TMEM132C: variants seen among roughly 807,000 people sequenced by gnomAD.
The protein encoded by TMEM132C is transmembrane protein 132C.
In TMEM132C, 29 loss-of-function variants were observed where a neutral mutation model predicts 61.4. The ratio of observed to expected loss-of-function variants is 0.47; its 90% CI spans 0.35 to 0.64. TMEM132C has a LOEUF of 0.64. Among genes scored for constraint, TMEM132C ranks in the 30% least tolerant of loss-of-function variants. TMEM132C has a pLI of 0.00. For synonymous variants in TMEM132C, 656 were observed against 633.1 expected, an observed-to-expected ratio of 1.04 and a Z score of -0.54; for missense variants, 1,408 against 1,476.9, an observed-to-expected ratio of 0.95 and a Z score of 0.76.
chr12:128,467,470 T>C (rs1870774639), intron 2 of TMEM132C, among the ~76,000 whole-genome samples: 1 of 152,248 alleles, frequency 6.6e-6, no homozygotes, highest in Admixed American at 6.5e-5. Flanking sequence ...ATGAGATGAC[T>C]AATCATAAGC....
chr12:128,575,098 A>G (rs1222998774), intron 3 of TMEM132C, among the ~76,000 whole-genome samples: 9 of 152,242 alleles, frequency 5.9e-5, no homozygotes. Context: ...CTTTCTCGGC[A>G]GTAGGATTAT....
At chr12:128,486,919 ACAG>A (rs1444570921) in intron 2 of TMEM132C, among the ~76,000 whole-genome samples, 1 of 116,046 alleles carries the variant, frequency 8.6e-6, no homozygotes, top group African/African-American at 3.3e-5. Context: ...ACACACACAC[ACAG>A]CTCAGCACTT....
intron 2 of TMEM132C, among the ~76,000 whole-genome samples, chr12:128,477,620 C>T (rs1871192484): frequency 6.6e-6 from 1 of 152,110 alleles, no homozygotes; most frequent in African/African-American, 2.4e-5. Flanking sequence ...CACTCTGTTG[C>T]CCAAGCTGGA....
chr12:128,552,077 C>T (rs1023544564), intron 3 of TMEM132C, among the ~76,000 whole-genome samples: 1 of 152,246 alleles, frequency 6.6e-6, no homozygotes, highest in Non-Finnish European at 1.5e-5. Context: ...ATGAGGCGGG[C>T]TCCCCAGCGG....
Position 128,270,184 on chromosome 12 carries a change from G to C in TMEM132C, c.85+2697G>C, listed in dbSNP as rs576099195. The stretch of plus-strand genomic sequence containing the variant: ...TTAGTGATGGTTGTTAGTCACATAT[G>C]AGACCTTCTGGGAAGGTTATGTGGG... On this transcript the variant is annotated intron_variant, in intron 1 of 8. Coordinates refer to ENST00000435159, the MANE Select transcript of TMEM132C (RefSeq NM_001136103.3). Among the ~76,000 whole-genome samples, 5 of 152,370 alleles carry C rather than the reference G, an allele frequency of 3.3e-5. No individual in the cohort carries two copies. The South Asian group carries it at 1.0e-3, about 32-fold the overall frequency.
At chr12:128,503,071 G>T (rs900688986) in intron 2 of TMEM132C, among the ~76,000 whole-genome samples, 1 of 152,178 alleles carries the variant, frequency 6.6e-6, no homozygotes, top group Non-Finnish European at 1.5e-5. Context: ...GGTTCTCAGA[G>T]CGATGGCATC....
At chr12:128,391,446 C>T (rs1288272471) in intron 1 of TMEM132C, among the ~76,000 whole-genome samples, 1 of 152,314 alleles carries the variant, frequency 6.6e-6, no homozygotes, top group East Asian at 1.9e-4. Context: ...GGAAAGGTAC[C>T]TTCAATATCC....
chr12:128,343,672 G>C (rs555931469), intron 1 of TMEM132C, among the ~76,000 whole-genome samples: 1 of 151,936 alleles, frequency 6.6e-6, no homozygotes, highest in African/African-American at 2.4e-5. Flanking sequence ...AATATATTAA[G>C]AGTTGTACAA....
At chr12:128,621,308 T>C (rs750097699) in intron 4 of TMEM132C, among the ~76,000 whole-genome samples, 4 of 152,160 alleles carry the variant, frequency 2.6e-5, no homozygotes, top group Admixed American at 6.5e-5. Flanking sequence ...AAGGTCTTTG[T>C]GGATGTACTG....
At chr12:128,581,761 A>T (rs545994623) in intron 3 of TMEM132C, among the ~76,000 whole-genome samples, 5 of 152,254 alleles carry the variant, frequency 3.3e-5, no homozygotes. Flanking sequence ...ATAAAGGAAC[A>T]AAGTTATGAG....
chr12:128,415,062 A>G lies in TMEM132C; in HGVS notation c.416A>G (p.Lys139Arg). The change falls in exon 2 of 9, where the codon AAA becomes AGA. Residue 139 changes from lysine to arginine, a missense_variant. Coordinates refer to ENST00000435159, the MANE Select transcript of TMEM132C (RefSeq NM_001136103.3). This position sits in a 1 kb window ranked among gnomAD's most constrained non-coding sequence, Gnocchi z 5.8. ...CTAAAAGCCCACATCCTGCGGGACA[A>G]AGTCTACCTGAGCCGGCCCAAAGTG... ...WKLKAHILRDKVYLSRPKVQV... is the reference protein window; with the variant it reads ...WKLKAHILRDRVYLSRPKVQV... 1 of 1,596,244 alleles carries G rather than the reference A, an allele frequency of 6.3e-7. No homozygotes were observed. Among genetic ancestry groups the G allele is most frequent in the South Asian group, 1.1e-5 (1 of 87,992 alleles).
At chr12:128,484,978 A>G (rs1871438043) in intron 2 of TMEM132C, among the ~76,000 whole-genome samples, 1 of 152,024 alleles carries the variant, frequency 6.6e-6, no homozygotes, top group African/African-American at 2.4e-5. Context: ...CAGGGAGGGA[A>G]GGAGGGAAGG....
At chr12:128,274,200 T>G (rs1358721024) in intron 1 of TMEM132C, among the ~76,000 whole-genome samples, 1 of 152,194 alleles carries the variant, frequency 6.6e-6, no homozygotes, top group Non-Finnish European at 1.5e-5. Context: ...GTGTACGCAT[T>G]TTTTCTTCCT....
intron 3 of TMEM132C, among the ~76,000 whole-genome samples, chr12:128,596,766 T>G (rs1345200663): frequency 6.6e-6 from 1 of 152,212 alleles, no homozygotes; most frequent in Non-Finnish European, 1.5e-5. Flanking sequence ...GAACCTGCCT[T>G]CCCGTCACCA....
intron 1 of TMEM132C, among the ~76,000 whole-genome samples, chr12:128,333,427 TGTGA>T (rs1222959211): frequency 2.6e-5 from 4 of 152,152 alleles, no homozygotes; most frequent in East Asian, 1.9e-4. Flanking sequence ...TGAGAGTGTG[TGTGA>T]GTGTTTTGTT....
chr12:128,395,091 AC>A (rs1400731227), intron 1 of TMEM132C, among the ~76,000 whole-genome samples: 4 of 151,716 alleles, frequency 2.6e-5, no homozygotes, highest in Non-Finnish European at 5.9e-5. Context: ...AGACATATAT[AC>A]AATCATAGCG....
At chr12:128,428,049 A>G (rs1463534231) in intron 2 of TMEM132C, among the ~76,000 whole-genome samples, 1 of 152,086 alleles carries the variant, frequency 6.6e-6, no homozygotes, top group African/African-American at 2.4e-5. Flanking sequence ...TGCTTGGGCT[A>G]TCCTATTGGG....
At chr12:128,429,044 G>A (rs1258308577) in intron 2 of TMEM132C, among the ~76,000 whole-genome samples, 2 of 152,154 alleles carry the variant, frequency 1.3e-5, no homozygotes, top group Non-Finnish European at 2.9e-5. Context: ...CATTCTAATT[G>A]ATGAACTCCC....
chr12:128,482,632 A>G (rs1871350015), intron 2 of TMEM132C, among the ~76,000 whole-genome samples: 2 of 151,934 alleles, frequency 1.3e-5, no homozygotes, highest in African/African-American at 4.8e-5. Context: ...GTAGGCTATT[A>G]ATTACTGCCT....
Sources: allele counts gnomAD v4.1 joint callset (sites outside exome capture counted in the v4.1 genomes callset), GRCh38; gene constraint gnomAD v4.1.1; non-coding constraint Gnocchi (gnomAD v3.1); transcripts MANE v1.5; gene names NCBI Gene and HGNC (gene_info 2026-07-23, HGNC 2026-07-21).